The following ARHGEF18 variants were observed in gnomAD, a reference collection of about 807,000 sequenced individuals.
ARHGEF18 encodes rho guanine nucleotide exchange factor 18.
A neutral mutation model predicts 155.7 loss-of-function variants in ARHGEF18; 93 were observed. That is an observed-to-expected ratio of 0.60 (90% CI 0.50 to 0.71). ARHGEF18 has a LOEUF of 0.71. Ranked by LOEUF, ARHGEF18 falls within the 30% of genes least tolerant of loss-of-function variation. The probability of loss-of-function intolerance (pLI) is 0.00; values close to 1 mark genes in which losing one functional copy is unlikely to be tolerated. For synonymous variants in ARHGEF18, 742 were observed against 753.1 expected (o/e 0.99, Z 0.24); for missense variants, 1,593 against 1,816.1 (o/e 0.88, Z 2.23).
chr19:7,401,476 CAG>C (rs1476197807), intron 10 of ARHGEF18, among the ~76,000 whole-genome samples: 1 of 151,986 alleles, frequency 6.6e-6, no homozygotes, highest in African/African-American at 2.4e-5. Flanking sequence ...TTTGGAGAGA[CAG>C]GGGTCTTACC....
chr19:7,377,137 C>T (rs931522379), intron 5 of ARHGEF18, among the ~76,000 whole-genome samples: 8 of 151,812 alleles, frequency 5.3e-5, no homozygotes, highest in African/African-American at 1.4e-4. Flanking sequence ...GTGGTGCAAT[C>T]TCAGTTCACT....
At position 7,442,129 on chromosome 19, in the gene ARHGEF18, CCTT is replaced by C. The variant is rs1568338633; in HGVS notation, c.1360+79_1360+81del. 9.1e-3 allele frequency: 821 copies of C among 90,044 alleles called. 1 individual carries two copies. The highest frequency in any genetic ancestry group is 0.072 in the East Asian group (55 of 764). The allele number at this position is 90,044 out of a possible 1,614,324, so 5.6% of individuals were successfully genotyped here. On this transcript the variant is annotated intron_variant, in intron 13 of 28. Coordinates refer to ENST00000668164, the MANE Select transcript of ARHGEF18 (RefSeq NM_001367823.1). Reference sequence around the variant, plus strand: ...TGCTCCCTCCCTTCCTCCCTCCCTTCCTTCCTTCCTTCCTTCCTTCCTTCCTTC... The same window carrying C: ...TGCTCCCTCCCTTCCTCCCTCCCTTCCCTTCCTTCCTTCCTTCCTTCCTTC...
At chr19:7,359,894 C>A (rs1017721818) in intron 1 of ARHGEF18, among the ~76,000 whole-genome samples, 2 of 152,150 alleles carry the variant, frequency 1.3e-5, no homozygotes, top group African/African-American at 2.4e-5. Context: ...GTGGCTCATG[C>A]CTGTAATCCC....
In ARHGEF18 at chr19:7,447,036, T is replaced by G. The variant is rs2145807769; in HGVS notation, c.1612-7T>G. ...TTAATTAACATTTCCATCCTTTTGT[T>G]TATCAGTTTTCAGGTGAAAATGGGG... On this transcript the variant is annotated splice_region_variant and splice_polypyrimidine_tract_variant and intron_variant, in intron 14 of 28. Coordinates refer to ENST00000668164, the MANE Select transcript of ARHGEF18 (RefSeq NM_001367823.1). 6.2e-7 allele frequency: 1 copy of G among 1,611,252 alleles called. No homozygotes were observed. Among genetic ancestry groups the G allele is most frequent in the Admixed American group, 1.7e-5 (1 of 59,504 alleles).
At chr19:7,430,946 C>G (rs1180178509) in intron 10 of ARHGEF18, among the ~76,000 whole-genome samples, 1 of 152,128 alleles carries the variant, frequency 6.6e-6, no homozygotes, top group Non-Finnish European at 1.5e-5. Flanking sequence ...GCAAAAGCAT[C>G]ACTTGAGTCC....
rs938606510 is a variant in ARHGEF18, at chr19:7,387,968, G to C, written c.967+4765G>C. Among the ~76,000 whole-genome samples the C allele has an allele frequency of 2.0e-5, 3 of 151,784 alleles. No individual in the cohort carries two copies. In the East Asian group the frequency reaches 5.8e-4, roughly 30 times the overall value. On this transcript the variant is annotated intron_variant, in intron 10 of 28. Transcript: ENST00000668164. Reference sequence around the variant, plus strand: ...GCATGAGCCACCGTGTCTGGCTCAAGCTACATTTCTGGTTGGCAGAGTTGA... The same window carrying C: ...GCATGAGCCACCGTGTCTGGCTCAACCTACATTTCTGGTTGGCAGAGTTGA...
intron 10 of ARHGEF18, among the ~76,000 whole-genome samples, chr19:7,429,676 G>T (rs1455537925): frequency 6.6e-6 from 1 of 152,146 alleles, no homozygotes; most frequent in African/African-American, 2.4e-5. Flanking sequence ...GGGTGCAAGA[G>T]AAGTCATCAT....
chr19:7,372,932 C>G lies in ARHGEF18; in HGVS notation c.136C>G (p.Pro46Ala). 8.1e-7 allele frequency: 1 copy of G among 1,234,658 alleles called. No individual in the cohort carries two copies. The allele number at this position is 1,234,658 out of a possible 1,614,324, so 76.5% of individuals were successfully genotyped here. ...LGLGAPSHSQ[P>A]GETPDSRPTG... Reference sequence around the variant, plus strand: ...CCTTGGGGCCCCTTCCCACAGCCAGCCTGGGGAGACCCCAGACAGCCGCCC... The same window carrying G: ...CCTTGGGGCCCCTTCCCACAGCCAGGCTGGGGAGACCCCAGACAGCCGCCC... Residue 46 changes from proline (P) to alanine (A), a missense_variant, in exon 3 of 29, where the codon CCT (proline) becomes GCT (alanine). Coordinates refer to ENST00000668164, the MANE Select transcript of ARHGEF18 (RefSeq NM_001367823.1).
intron 1 of ARHGEF18, among the ~76,000 whole-genome samples, chr19:7,358,215 T>TTCCATCCATCCA (rs151337455): frequency 0.68 from 97,328 of 142,672 alleles, 36,274 homozygotes; most frequent in Non-Finnish European, 0.82. Flanking sequence ...CCATCCATCC[T>TTCCATCCATCCA]TCCATCCATC....
At position 7,463,185 on chromosome 19, in the gene ARHGEF18, G is replaced by A. The variant is rs777637791; in HGVS notation, c.2636-633G>A. Among the ~76,000 whole-genome samples, 2 of 152,140 alleles carry A rather than the reference G, an allele frequency of 1.3e-5. No individual in the cohort carries two copies. Among genetic ancestry groups the A allele is most frequent in the Non-Finnish European group, 2.9e-5 (2 of 68,016 alleles). Reference sequence around the variant, plus strand: ...AAGCCGACTCAGCCCCTGCCTTCCAGAGCCTTTCCGCAGAATAAGACGGCA... The same window carrying A: ...AAGCCGACTCAGCCCCTGCCTTCCAAAGCCTTTCCGCAGAATAAGACGGCA... On this transcript the variant is annotated intron_variant, in intron 21 of 28. Transcript: ENST00000668164. This position sits in a 1 kb window ranked among gnomAD's most constrained non-coding sequence, Gnocchi z 5.2.
chr19:7,401,436 C>A (rs1972015083), intron 10 of ARHGEF18, among the ~76,000 whole-genome samples: 1 of 152,154 alleles, frequency 6.6e-6, no homozygotes. Context: ...CAGGCACACA[C>A]CATCACGCCT....
At chr19:7,391,113 C>T (rs910583452) in intron 10 of ARHGEF18, among the ~76,000 whole-genome samples, 1 of 151,988 alleles carries the variant, frequency 6.6e-6, no homozygotes, top group African/African-American at 2.4e-5. Context: ...CAACAAACCC[C>T]TCCCCACCTG....
intron 7 of ARHGEF18, among the ~76,000 whole-genome samples, chr19:7,379,664 G>A (rs1268402229): frequency 2.0e-5 from 3 of 152,304 alleles, no homozygotes; most frequent in East Asian, 1.9e-4. Context: ...GGCTGCCACT[G>A]GCATAGGGGT....
chr19:7,416,537 G>A (rs1973020502), intron 10 of ARHGEF18, among the ~76,000 whole-genome samples: 1 of 121,888 alleles, frequency 8.2e-6, no homozygotes, highest in Non-Finnish European at 1.6e-5. Context: ...ATTCGTGTGT[G>A]TGTGTGTGTG....
intron 27 of ARHGEF18, among the ~76,000 whole-genome samples, chr19:7,469,442 C>A (rs565639668): frequency 2.0e-5 from 3 of 152,168 alleles, no homozygotes; most frequent in Non-Finnish European, 2.9e-5. Flanking sequence ...TCAGCACAGC[C>A]GGGACAGGGA....
At chr19:7,391,866 G>T (rs112555658) in intron 10 of ARHGEF18, among the ~76,000 whole-genome samples, 1 of 151,662 alleles carries the variant, frequency 6.6e-6, no homozygotes, top group Non-Finnish European at 1.5e-5. Flanking sequence ...ATTGTCGAAA[G>T]TGCCAAGCTG....
rs771022719 is a variant in ARHGEF18, at chr19:7,466,971, G to A, written c.2958G>A (p.Ser986=). The A allele has an allele frequency of 2.7e-5, 43 of 1,613,246 alleles. No individual in the cohort carries two copies. The East Asian group carries it at 8.9e-4, about 33-fold the overall frequency. Residue 986 remains serine, a synonymous_variant, in exon 24 of 29, where the codon TCG becomes TCA. Coordinates refer to ENST00000668164, the MANE Select transcript of ARHGEF18 (RefSeq NM_001367823.1). The part of the protein sequence containing the change: ...SDPRLPTVLE[S]ELVQRIQTLS... ...CCCGTCTGCCCACCGTCCTGGAGTC[G>A]GAGGTAGGCGCCCGCGGGTCTCCAT... is the stretch of plus-strand genomic sequence containing the variant.
chr19:7,420,088 T>C (rs1973263647), intron 10 of ARHGEF18, among the ~76,000 whole-genome samples: 1 of 152,128 alleles, frequency 6.6e-6, no homozygotes, highest in South Asian at 2.1e-4. Flanking sequence ...AGCTGAGCTC[T>C]CAGAGATTGG....
At chr19:7,362,466 T>C (rs1011309906) in intron 1 of ARHGEF18, among the ~76,000 whole-genome samples, 2 of 152,152 alleles carry the variant, frequency 1.3e-5, no homozygotes, top group Admixed American at 6.5e-5. Flanking sequence ...ATTTCATACA[T>C]AAGCCAACTT....
Sources: gnomAD v4.1 joint callset for allele counts (sites outside exome capture counted in the v4.1 genomes callset) on GRCh38, gnomAD v4.1.1 for gene constraint, Gnocchi (gnomAD v3.1) non-coding constraint, MANE v1.5 for transcripts, NCBI Gene and HGNC (gene_info 2026-07-23, HGNC 2026-07-21) for gene names.